The following CCT3 variants were observed in gnomAD, a reference collection of about 807,000 sequenced individuals.
CCT3 encodes the protein chaperonin containing TCP1 subunit 3.
A neutral mutation model predicts 65.3 loss-of-function variants in CCT3; 10 were observed. The ratio of observed to expected loss-of-function variants is 0.15; its 90% CI spans 0.09 to 0.26. CCT3 has a LOEUF of 0.26. Ranked by LOEUF, CCT3 falls within the 10% of genes least tolerant of loss-of-function variation. The pLI, the probability that CCT3 is intolerant of heterozygous loss-of-function variation, is 1.00. For missense variants in CCT3, 626 were observed against 708.7 expected, an observed-to-expected ratio of 0.88 and a Z score of 1.33; for synonymous variants, 225 against 242.3, an observed-to-expected ratio of 0.93 and a Z score of 0.66.
chr1:156,323,819 A>ATGGTG, intron 6 of CCT3, among the ~76,000 whole-genome samples: 1 of 138,180 alleles, frequency 7.2e-6, no homozygotes, highest in Admixed American at 7.2e-5. Flanking sequence ...CTGGAGTGCA[A>ATGGTG]TGGTGCGATC....
intron 7 of CCT3, 46 bp downstream of exon 7, chr1:156,320,793 A>C (rs1436952387): frequency 1.5e-6 from 2 of 1,293,668 alleles, no homozygotes; most frequent in Non-Finnish European, 2.2e-6. Context: ...GAGATGACTC[A>C]TGCTAACATA....
At chr1:156,327,459 T>G (rs1303009569) in intron 5 of CCT3, among the ~76,000 whole-genome samples, 1 of 152,060 alleles carries the variant, frequency 6.6e-6, no homozygotes, top group Non-Finnish European at 1.5e-5. Flanking sequence ...CCTGACTGGT[T>G]TTCGTATTTT....
chr1:156,317,668 C>T, intron 8 of CCT3, 121 bp from the exon 9 acceptor site: 1 of 968,706 alleles, frequency 1.0e-6, no homozygotes, highest in East Asian at 2.5e-5. Context: ...TATGTTAAAG[C>T]CATGACCTCA....
intron 5 of CCT3, among the ~76,000 whole-genome samples, chr1:156,325,608 C>T (rs115927720): frequency 0.015 from 2,269 of 147,704 alleles, 22 homozygotes; most frequent in Non-Finnish European, 0.023. Context: ...GAAGCAGTCT[C>T]GCTGTGTCGC....
intron 6 of CCT3, among the ~76,000 whole-genome samples, chr1:156,323,495 C>T (rs1229913290): frequency 1.3e-5 from 2 of 152,078 alleles, no homozygotes; most frequent in Admixed American, 6.5e-5. Flanking sequence ...GATGGAGTCT[C>T]GCTCTGTCGC....
At chr1:156,330,258 A>C (rs1558272745) in intron 5 of CCT3, among the ~76,000 whole-genome samples, 2 of 152,230 alleles carry the variant, frequency 1.3e-5, no homozygotes, top group Non-Finnish European at 2.9e-5. Context: ...GTTTTCCCTA[A>C]AAGTCCATAA....
chr1:156,324,006 A>ACC (rs1443182890), intron 6 of CCT3, among the ~76,000 whole-genome samples: 1 of 144,760 alleles, frequency 6.9e-6, no homozygotes, highest in African/African-American at 2.6e-5. Context: ...CAGGTGATCC[A>ACC]CCCGCCTTGG....
intron 1 of CCT3, 90 bp downstream of exon 1, chr1:156,338,064 T>G (rs1665528497): frequency 1.4e-6 from 2 of 1,404,960 alleles, no homozygotes; most frequent in Admixed American, 3.9e-5. Flanking sequence ...AGTGGCCCGG[T>G]CAGTGGGGGA....
intron 7 of CCT3, 78 bp from the exon 8 acceptor site, chr1:156,319,095 C>G: frequency 1.5e-6 from 2 of 1,346,370 alleles, no homozygotes; most frequent in Non-Finnish European, 2.0e-6. Flanking sequence ...TTCATCTTTC[C>G]CAAACAGCTA....
chr1:156,314,174 G>T (rs1664209815), intron 10 of CCT3, among the ~76,000 whole-genome samples: 1 of 151,134 alleles, frequency 6.6e-6, no homozygotes, highest in African/African-American at 2.4e-5. Context: ...CATTACTGAA[G>T]ATGCCACAGT....
At chr1:156,338,104 A>T in intron 1 of CCT3, 50 bp downstream of exon 1, 2 of 1,561,722 alleles carry the variant, frequency 1.3e-6, no homozygotes, top group South Asian at 2.4e-5. Flanking sequence ...AAAAGTATGG[A>T]CAGAAGAGGG....
At chr1:156,324,056 C>T (rs940664958) in intron 6 of CCT3, among the ~76,000 whole-genome samples, 2 of 151,600 alleles carry the variant, frequency 1.3e-5, no homozygotes, top group Non-Finnish European at 2.9e-5. Flanking sequence ...AGCCACCATG[C>T]CCAGCCCAAG....
In CCT3 at chr1:156,335,812, T is replaced by C; in HGVS notation, c.93+15A>G. 6.2e-7 allele frequency: 1 copy of C among 1,611,630 alleles called. No individual in the cohort carries two copies. Among genetic ancestry groups the C allele is most frequent in the Non-Finnish European group, 8.5e-7 (1 of 1,177,780 alleles). ...CTGGAGGCAAACTACCATAAACACT[T>C]AAAAGATTTGTGACCTTGGCAGCAT... On this transcript the variant is annotated intron_variant, in intron 2 of 13. Transcript: ENST00000295688.
intron 5 of CCT3, among the ~76,000 whole-genome samples, chr1:156,325,885 C>CT (rs879411028): frequency 1.1e-4 from 16 of 152,048 alleles, no homozygotes; most frequent in Non-Finnish European, 2.2e-4. Context: ...GCCTGGCCTT[C>CT]TCTTGATCTT....
intron 10 of CCT3, among the ~76,000 whole-genome samples, chr1:156,313,483 GAA>G (rs1664172197): frequency 6.6e-6 from 1 of 151,994 alleles, no homozygotes; most frequent in African/African-American, 2.4e-5. Flanking sequence ...TTATTAGTAA[GAA>G]AGAGAAGGGA....
Position 156,317,224 on chromosome 1 carries a change from G to C in CCT3, c.916C>G (p.Arg306Gly). 6.2e-7 allele frequency: 1 copy of C among 1,614,080 alleles called. No homozygotes were observed. The highest frequency in any genetic ancestry group is 8.5e-7 in the Non-Finnish European group (1 of 1,179,934). ...ISDLAQHYLM[R>G]ANITAIRRVR... ...CTGCGGATGGCTGTGATATTGGCCC[G>C]CATAAGGTAGTGCTGAGCTAAATCT... Residue 306 changes from arginine to glycine, a missense_variant, in exon 10 of 14, where the codon CGG becomes GGG. By Grantham distance (125) the Arg-to-Gly change is moderately radical. Transcript: ENST00000295688.
chr1:156,328,200 G>GC (rs1277055959), intron 5 of CCT3, among the ~76,000 whole-genome samples: 1 of 116,696 alleles, frequency 8.6e-6, no homozygotes, highest in African/African-American at 2.8e-5. Context: ...GAGGGAGGTG[G>GC]GGGGGGTCAG....
intron 10 of CCT3, among the ~76,000 whole-genome samples, chr1:156,312,957 A>G (rs571605411): frequency 2.6e-4 from 40 of 152,330 alleles, no homozygotes; most frequent in African/African-American, 8.7e-4. Flanking sequence ...ATAATTTTAG[A>G]AAGAGGTTTG....
At chr1:156,337,046 G>C in intron 1 of CCT3, 1 of 1,275,672 alleles carries the variant, frequency 7.8e-7, no homozygotes, top group Non-Finnish European at 1.0e-6. Context: ...CTGCAGATGA[G>C]GTACAGAAGT....
Sources: allele counts gnomAD v4.1 joint callset (sites outside exome capture counted in the v4.1 genomes callset), GRCh38; gene constraint gnomAD v4.1.1; transcripts MANE v1.5; gene names NCBI Gene and HGNC (gene_info 2026-07-23, HGNC 2026-07-21).